Variants in GALNTL6 observed in about 807,000 individuals in gnomAD.
GALNTL6 encodes polypeptide N-acetylgalactosaminyltransferase-like 6.
In GALNTL6, 46 loss-of-function variants were observed where a neutral mutation model predicts 73.7. The observed-to-expected ratio is 0.62, with a 90% CI of 0.49 to 0.80. The LOEUF is 0.80. GALNTL6 is among the 30% of genes least tolerant of loss of function. GALNTL6 has a pLI of 0.00. For synonymous variants in GALNTL6, 259 were observed against 263.7 expected (o/e 0.98, Z 0.17); for missense variants, 604 against 755.0 (o/e 0.80, Z 2.34).
chr4:172,223,246 G>T (rs1579273033), intron 2 of GALNTL6, among the ~76,000 whole-genome samples: 1 of 151,942 alleles, frequency 6.6e-6, no homozygotes, highest in South Asian at 2.1e-4. Flanking sequence ...ACACATTTGA[G>T]AATTTATTCA....
chr4:172,156,542 T>TATATATATATATATATATAATATATATA (rs1734277700), intron 2 of GALNTL6, among the ~76,000 whole-genome samples: 1 of 16,044 alleles, frequency 6.2e-5, no homozygotes, highest in Non-Finnish European at 1.2e-4. Context: ...ATATATATAA[T>TATATATATATATATATATAATATATATA]ATATATATAT....
intron 2 of GALNTL6, among the ~76,000 whole-genome samples, chr4:171,901,970 A>G (rs1160593071): frequency 6.6e-6 from 1 of 152,234 alleles, no homozygotes; most frequent in African/African-American, 2.4e-5. Context: ...GAGCAAAACT[A>G]AAACATGCAT....
chr4:172,197,837 C>T (rs555940789), intron 2 of GALNTL6, among the ~76,000 whole-genome samples: 6 of 152,180 alleles, frequency 3.9e-5, no homozygotes, highest in South Asian at 2.1e-4. Flanking sequence ...AGGCCGGACG[C>T]GGTGGCTCAC....
At chr4:172,531,908 G>A (rs1487254565) in intron 5 of GALNTL6, among the ~76,000 whole-genome samples, 1 of 152,188 alleles carries the variant, frequency 6.6e-6, no homozygotes, top group African/African-American at 2.4e-5. Context: ...AGACACCAAA[G>A]TGTTCACCCA....
intron 2 of GALNTL6, among the ~76,000 whole-genome samples, chr4:172,114,984 T>C (rs1354930364): frequency 6.6e-6 from 1 of 152,098 alleles, no homozygotes; most frequent in African/African-American, 2.4e-5. Flanking sequence ...ACACAAGCCA[T>C]TCCCATCAAC....
chr4:172,296,380 T>C (rs1308040838), intron 3 of GALNTL6, among the ~76,000 whole-genome samples: 4 of 152,220 alleles, frequency 2.6e-5, no homozygotes, highest in African/African-American at 7.2e-5. Flanking sequence ...TTTTTTATTA[T>C]ACTTTAAGTT....
intron 2 of GALNTL6, among the ~76,000 whole-genome samples, chr4:172,018,312 G>C (rs545011651): frequency 6.6e-6 from 1 of 152,178 alleles, no homozygotes; most frequent in Admixed American, 6.5e-5. Context: ...AACCAGAGTG[G>C]ATAGAGAAAT....
intron 12 of GALNTL6, among the ~76,000 whole-genome samples, chr4:173,030,764 G>C (rs1336255812): frequency 6.7e-6 from 1 of 150,318 alleles, no homozygotes; most frequent in Non-Finnish European, 1.5e-5. Flanking sequence ...AGGCATTTGA[G>C]AGGCCAAGAC....
intron 3 of GALNTL6, among the ~76,000 whole-genome samples, chr4:172,264,676 A>G (rs1362672826): frequency 1.4e-5 from 2 of 147,418 alleles, no homozygotes; most frequent in Non-Finnish European, 3.0e-5. Context: ...GTATGTGTAT[A>G]TATATATATA....
At chr4:171,919,865 T>C (rs920861475) in intron 2 of GALNTL6, among the ~76,000 whole-genome samples, 2 of 152,076 alleles carry the variant, frequency 1.3e-5, no homozygotes, top group Admixed American at 6.6e-5. Context: ...CTCAGGGATC[T>C]AGAACTAGAA....
chr4:172,696,231 T>G (rs1444250685), intron 5 of GALNTL6, among the ~76,000 whole-genome samples: 1 of 152,168 alleles, frequency 6.6e-6, no homozygotes, highest in Non-Finnish European at 1.5e-5. Context: ...GGTATAATTT[T>G]TCTATTTACA....
In GALNTL6 at chr4:172,939,566, G is replaced by A. The variant is rs549866067; in HGVS notation, c.1149+8298G>A. Among the ~76,000 whole-genome samples, 12 of 152,250 alleles carry A rather than the reference G, an allele frequency of 7.9e-5. No individual in the cohort carries two copies. The South Asian group carries it at 1.2e-3, about 16-fold the overall frequency. On this transcript the variant is annotated intron_variant, in intron 9 of 12. Transcript: ENST00000506823. The stretch of plus-strand genomic sequence containing the variant: ...TCCTATTAATAAATATTTATCAAGT[G>A]CCTACTATGTGCCAGGCAGAAATGC...
At chr4:172,942,916 T>C (rs1318162112) in intron 9 of GALNTL6, among the ~76,000 whole-genome samples, 1 of 152,118 alleles carries the variant, frequency 6.6e-6, no homozygotes, top group Admixed American at 6.6e-5. Context: ...TGTGTTTCTG[T>C]GGTCTCTCTT....
intron 3 of GALNTL6, among the ~76,000 whole-genome samples, chr4:172,287,052 T>G (rs1739281631): frequency 2.0e-5 from 3 of 152,204 alleles, no homozygotes; most frequent in Non-Finnish European, 4.4e-5. Context: ...TGAGGGTATC[T>G]CTTCCCAAAT....
Position 172,487,295 on chromosome 4 carries a change from C to CTTCTTTCCTTCTTTCT in GALNTL6, c.553+138610_553+138611insTTCCTTCTTTCTTTCT, listed in dbSNP as rs1554029530. The stretch of plus-strand genomic sequence containing the variant: ...TCCTCTTTCTTTCTTTCCTTCTTTC[C>CTTCTTTCCTTCTTTCT]TTCTGTCTTTCTTTCTTTCTTTCTT... On this transcript the variant is annotated intron_variant, in intron 5 of 12. Coordinates refer to ENST00000506823, the MANE Select transcript of GALNTL6 (RefSeq NM_001034845.3). 3.5e-3 allele frequency among the ~76,000 whole-genome samples: 282 copies of CTTCTTTCCTTCTTTCT among 81,564 alleles called. 7 individuals carry two copies. Among genetic ancestry groups the CTTCTTTCCTTCTTTCT allele is most frequent in the South Asian group, 8.3e-3 (16 of 1,930 alleles). The allele number at this position is 81,564 out of a possible 152,430, so 53.5% of individuals were successfully genotyped here. A position where few individuals can be genotyped will look rare whatever the true frequency, so the allele number is the denominator to read the frequency against.
At chr4:171,888,640 C>T (rs536237338) in intron 2 of GALNTL6, among the ~76,000 whole-genome samples, 2 of 152,124 alleles carry the variant, frequency 1.3e-5, no homozygotes, top group East Asian at 3.9e-4. Context: ...TGGTCAAACC[C>T]CACTTTTCTT....
intron 5 of GALNTL6, among the ~76,000 whole-genome samples, chr4:172,419,582 C>T (rs1393941885): frequency 1.3e-5 from 2 of 152,116 alleles, no homozygotes; most frequent in Non-Finnish European, 2.9e-5. Flanking sequence ...TGCCCATAAA[C>T]GTTTCTGGAG....
At chr4:171,963,055 T>C (rs547225392) in intron 2 of GALNTL6, among the ~76,000 whole-genome samples, 11 of 145,534 alleles carry the variant, frequency 7.6e-5, no homozygotes, top group South Asian at 2.3e-4. Flanking sequence ...TGTGAGCCAC[T>C]GCGCCCAACC....
chr4:171,814,470 G>A lies in GALNTL6; in HGVS notation c.-111G>A. On this transcript the variant is annotated 5_prime_UTR_variant, in exon 2 of 13. Coordinates refer to ENST00000506823, the MANE Select transcript of GALNTL6 (RefSeq NM_001034845.3). ...GCTGAGCACGCAACAAAAGTTTGTA[G>A]CTTCTCAGTTTCTGGTGCTTCGCAG... 8.4e-7 allele frequency: 1 copy of A among 1,186,832 alleles called. No homozygotes were observed. Among genetic ancestry groups the A allele is most frequent in the South Asian group, 1.3e-5 (1 of 74,600 alleles). The allele number at this position is 1,186,832 out of a possible 1,614,324, so 73.5% of individuals were successfully genotyped here.
Sources: gnomAD v4.1 joint callset for allele counts (sites outside exome capture counted in the v4.1 genomes callset) on GRCh38, gnomAD v4.1.1 for gene constraint, MANE v1.5 for transcripts, NCBI Gene and HGNC (gene_info 2026-07-23, HGNC 2026-07-21) for gene names.